MAPK10: variants seen among roughly 807,000 people sequenced by gnomAD.
The protein encoded by MAPK10 is JNK3 alpha protein kinase.
A neutral mutation model predicts 59.3 loss-of-function variants in MAPK10; 25 were observed. That is an observed-to-expected ratio of 0.42 (90% CI 0.31 to 0.59). The LOEUF (loss-of-function observed/expected upper bound fraction) is 0.59. Ranked by LOEUF, MAPK10 falls within the 20% of genes least tolerant of loss-of-function variation. The pLI is 0.15. For synonymous variants in MAPK10, 190 were observed against 200.5 expected (o/e 0.95, Z 0.44); for missense variants, 351 against 568.9 (o/e 0.62, Z 3.90).
intron 1 of MAPK10, among the ~76,000 whole-genome samples, chr4:86,593,434 C>T (rs1331990404): frequency 6.6e-6 from 1 of 152,194 alleles, no homozygotes; most frequent in Non-Finnish European, 1.5e-5. Flanking sequence ...CAGCAAGACT[C>T]TCTTGTTTAA....
chr4:86,099,825 A>G (rs997405506), intron 8 of MAPK10: 2 of 152,208 alleles, frequency 1.3e-5, no homozygotes, highest in Non-Finnish European at 2.9e-5. Flanking sequence ...AAGAAAGTAT[A>G]AAAATGTCTT....
At chr4:86,064,148 G>T in intron 11 of MAPK10, 118 bp downstream of exon 11, 2 of 1,283,916 alleles carry the variant, frequency 1.6e-6, no homozygotes, top group Non-Finnish European at 2.2e-6. Context: ...AATAGGCTTT[G>T]GACTTAGAAA....
At chr4:86,092,540 T>C (rs895422005) in intron 9 of MAPK10, among the ~76,000 whole-genome samples, 7 of 151,976 alleles carry the variant, frequency 4.6e-5, no homozygotes, top group African/African-American at 1.7e-4. Flanking sequence ...AAGGTAGTAG[T>C]AGTAAGCCTT....
At chr4:86,559,937 C>CAAAA (rs368858392) in intron 1 of MAPK10, among the ~76,000 whole-genome samples, 1 of 124,432 alleles carries the variant, frequency 8.0e-6, no homozygotes, top group African/African-American at 3.0e-5. Context: ...GACTTTGTCT[C>CAAAA]AAAAAAAAAA....
At chr4:86,445,925 G>A (rs190963400) in intron 1 of MAPK10, among the ~76,000 whole-genome samples, 76 of 151,666 alleles carry the variant, frequency 5.0e-4, no homozygotes, top group African/African-American at 1.8e-3. Flanking sequence ...CATAAAGAAA[G>A]GAAAGAGATT....
At chr4:86,541,915 T>C (rs1758720504) in intron 1 of MAPK10, among the ~76,000 whole-genome samples, 1 of 136,162 alleles carries the variant, frequency 7.3e-6, no homozygotes, top group Non-Finnish European at 1.6e-5. Context: ...AAATATATAA[T>C]CCCAATTTTG....
intron 2 of MAPK10, among the ~76,000 whole-genome samples, chr4:86,271,890 G>T (rs1423473426): frequency 6.6e-6 from 1 of 151,958 alleles, no homozygotes; most frequent in African/African-American, 2.4e-5. Context: ...GACATGTGGG[G>T]ATTATGAGAA....
chr4:86,281,548 A>G (rs1338154348), intron 2 of MAPK10, among the ~76,000 whole-genome samples: 1 of 151,806 alleles, frequency 6.6e-6, no homozygotes, highest in Non-Finnish European at 1.5e-5. Flanking sequence ...AAATAATAAA[A>G]TAAATTCTTA....
chr4:86,175,485 T>C (rs1470566124), intron 3 of MAPK10, among the ~76,000 whole-genome samples: 1 of 151,864 alleles, frequency 6.6e-6, no homozygotes, highest in East Asian at 1.9e-4. Context: ...ATCATGGGGG[T>C]GGTTTCTCAT....
intron 1 of MAPK10, among the ~76,000 whole-genome samples, chr4:86,573,315 T>G (rs1761611418): frequency 6.6e-6 from 1 of 152,306 alleles, no homozygotes; most frequent in East Asian, 1.9e-4. Flanking sequence ...GAGATAGGTT[T>G]TAGCTTCAGT....
chr4:86,035,411 T>C (rs28660296), intron 11 of MAPK10, among the ~76,000 whole-genome samples: 19,883 of 142,348 alleles, frequency 0.14, 1,672 homozygotes, highest in African/African-American at 0.23. Flanking sequence ...CAGGGTATCA[T>C]GATACGGAAG....
intron 2 of MAPK10, among the ~76,000 whole-genome samples, chr4:86,217,661 A>C (rs2088113248): frequency 6.6e-6 from 1 of 152,186 alleles, no homozygotes; most frequent in Admixed American, 6.5e-5. Context: ...GTATATGTAC[A>C]CATGTGAATT....
intron 1 of MAPK10, among the ~76,000 whole-genome samples, chr4:86,407,252 A>G (rs1279272539): frequency 6.6e-6 from 1 of 152,208 alleles, no homozygotes; most frequent in Admixed American, 6.5e-5. Context: ...TATTTTAAAA[A>G]AAGTACTATT....
rs1349457123 is a variant in MAPK10, at chr4:86,106,418, TATA to T, written c.366+802_366+804del. 5.4e-5 allele frequency among the ~76,000 whole-genome samples: 8 copies of T among 149,038 alleles called. No individual in the cohort carries two copies. In the East Asian group the frequency reaches 7.7e-4, roughly 14 times the overall value. ...ATTTTTAAGAAAATAAAATTTTATT[TATA>T]ATAATTTATAATTTATTATATATTT... On this transcript the variant is annotated intron_variant, in intron 5 of 13. Coordinates refer to ENST00000641462, the MANE Select transcript of MAPK10 (RefSeq NM_138982.4).
At chr4:86,398,431 T>C (rs1743258712) in intron 1 of MAPK10, among the ~76,000 whole-genome samples, 1 of 152,110 alleles carries the variant, frequency 6.6e-6, no homozygotes, top group South Asian at 2.1e-4. Context: ...AAAGTAAAAT[T>C]CCTTTTCTGC....
chr4:86,505,002 A>G (rs1047759970), intron 1 of MAPK10, among the ~76,000 whole-genome samples: 1 of 152,130 alleles, frequency 6.6e-6, no homozygotes, highest in African/African-American at 2.4e-5. Context: ...CTCCATAAAT[A>G]CAACACACTA....
intron 1 of MAPK10, among the ~76,000 whole-genome samples, chr4:86,515,964 T>A (rs568848636): frequency 1.3e-5 from 2 of 151,794 alleles, no homozygotes; most frequent in Non-Finnish European, 2.9e-5. Context: ...CCTAAGCCAA[T>A]GTCTAGAAGA....
chr4:86,464,048 G>C (rs1751983182), intron 1 of MAPK10, among the ~76,000 whole-genome samples: 1 of 152,110 alleles, frequency 6.6e-6, no homozygotes, highest in Non-Finnish European at 1.5e-5. Context: ...GGAGAACTCA[G>C]ATTGTTAAAT....
intron 4 of MAPK10, among the ~76,000 whole-genome samples, chr4:86,112,936 T>G (rs1349948011): frequency 6.6e-6 from 1 of 152,202 alleles, no homozygotes; most frequent in Non-Finnish European, 1.5e-5. Flanking sequence ...TTACCTCTTC[T>G]TGTTGAATTG....
Sources: gnomAD v4.1 joint callset for allele counts (sites outside exome capture counted in the v4.1 genomes callset) on GRCh38, gnomAD v4.1.1 for gene constraint, MANE v1.5 for transcripts, NCBI Gene and HGNC (gene_info 2026-07-23, HGNC 2026-07-21) for gene names.